The following GSG1L variants were observed in gnomAD, a reference collection of about 807,000 sequenced individuals.
GSG1L encodes GSG1 like, also known as germ cell-specific gene 1-like protein.
GSG1L carries 24 observed loss-of-function variants against 42.1 expected under a neutral mutation model. The ratio of observed to expected loss-of-function variants is 0.57; its 90% CI spans 0.41 to 0.80. The LOEUF is 0.80. Ranked by LOEUF, GSG1L falls within the 30% of genes least tolerant of loss-of-function variation. The pLI is 0.00. For missense variants in GSG1L, 445 were observed against 472.2 expected, an observed-to-expected ratio of 0.94 and a Z score of 0.53; for synonymous variants, 215 against 203.5, an observed-to-expected ratio of 1.06 and a Z score of -0.48.
Position 27,911,266 on chromosome 16 carries a change from G to GCTTGCT in GSG1L, c.398-26629_398-26628insAGCAAG, listed in dbSNP as rs1555507779. On this transcript the variant is annotated intron_variant, in intron 2 of 6. Transcript: ENST00000447459. ...TCTCTAGCCTCATCACCTCTCTCTC[G>GCTTGCT]CTCTCTCTCTCTCTCTCTCTCTCTC... is the stretch of plus-strand genomic sequence containing the variant. Among the ~76,000 whole-genome samples the GCTTGCT allele has an allele frequency of 1.5e-3, 181 of 122,154 alleles. 3 individuals carry two copies. Among genetic ancestry groups the GCTTGCT allele is most frequent in the African/African-American group, 4.3e-3 (124 of 28,636 alleles). The allele number at this position is 122,154 out of a possible 152,430, so 80.1% of individuals were successfully genotyped here. A position where few individuals can be genotyped will look rare whatever the true frequency, so the allele number is the denominator to read the frequency against.
intron 3 of GSG1L, among the ~76,000 whole-genome samples, chr16:27,847,674 C>T (rs560105591): frequency 3.9e-5 from 6 of 152,290 alleles, no homozygotes; most frequent in East Asian, 1.9e-4. Flanking sequence ...CCTGGTGGGA[C>T]GTGACTGGAT....
Position 27,828,832 on chromosome 16 carries a change from G to T in GSG1L, c.787C>A (p.Pro263Thr), listed in dbSNP as rs769451734. The T allele has an allele frequency of 1.9e-6, 3 of 1,614,142 alleles. No individual in the cohort carries two copies. The highest frequency in any genetic ancestry group is 2.5e-6 in the Non-Finnish European group (3 of 1,180,020). Reference sequence around the variant, plus strand: ...ATGGCCTCAGGGTCTATGAAGGTCGGCTCTTCCCGGTAGCCCTGCTCAAAG... The same window carrying T: ...ATGGCCTCAGGGTCTATGAAGGTCGTCTCTTCCCGGTAGCCCTGCTCAAAG... ...KVFEQGYREE[P>T]TFIDPEAIKY... is the part of the protein sequence containing the mutation. The change falls in exon 5 of 7, where the codon CCG (proline) becomes ACG (threonine). Residue 263 changes from proline to threonine, a missense_variant. By Grantham distance (38) the Pro-to-Thr change is conservative. This residue lies in a region of GSG1L where 140 missense variants were observed against 120.6 expected (regional missense o/e 1.16). Transcript: ENST00000447459.
At chr16:27,990,238 T>G (rs2085440204) in intron 1 of GSG1L, among the ~76,000 whole-genome samples, 1 of 152,192 alleles carries the variant, frequency 6.6e-6, no homozygotes, top group South Asian at 2.1e-4. Flanking sequence ...TTCTTTCTTT[T>G]GAGCTATTTA....
At chr16:28,043,435 T>A (rs1237775250) in intron 1 of GSG1L, among the ~76,000 whole-genome samples, 1 of 152,106 alleles carries the variant, frequency 6.6e-6, no homozygotes, top group Non-Finnish European at 1.5e-5. Context: ...TATTTTGGAA[T>A]ACAAAAGAAG....
intron 2 of GSG1L, among the ~76,000 whole-genome samples, chr16:27,940,808 C>T (rs542419784): frequency 9.3e-5 from 14 of 150,694 alleles, no homozygotes; most frequent in African/African-American, 2.9e-4. Context: ...GCAGATGTAA[C>T]TAACCTGCAC....
chr16:28,057,851 G>A (rs898668271), intron 1 of GSG1L, among the ~76,000 whole-genome samples: 11 of 152,380 alleles, frequency 7.2e-5, no homozygotes, highest in Non-Finnish European at 8.8e-5. Context: ...GCTGGCAGTA[G>A]TATGAGGACT....
chr16:27,939,531 G>A (rs1227911689), intron 2 of GSG1L, among the ~76,000 whole-genome samples: 3 of 152,206 alleles, frequency 2.0e-5, no homozygotes, highest in Non-Finnish European at 4.4e-5. Flanking sequence ...AACTGTTGCT[G>A]TATGACAGAA....
chr16:28,037,441 C>G (rs1413449306), intron 1 of GSG1L, among the ~76,000 whole-genome samples: 1 of 152,230 alleles, frequency 6.6e-6, no homozygotes, highest in Non-Finnish European at 1.5e-5. Context: ...AGAAGACCCA[C>G]TCCAGTTCAT....
intron 2 of GSG1L, among the ~76,000 whole-genome samples, chr16:27,904,489 G>A (rs1021248668): frequency 8.6e-5 from 13 of 151,762 alleles, no homozygotes; most frequent in Admixed American, 7.9e-4. Flanking sequence ...TTTTTCCCTA[G>A]CATGTATGAC....
At chr16:27,911,266 GCTCTCT>G (rs71648556) in intron 2 of GSG1L, among the ~76,000 whole-genome samples, 120 of 122,152 alleles carry the variant, frequency 9.8e-4, no homozygotes, top group African/African-American at 3.0e-3. Context: ...CCTCTCTCTC[GCTCTCT>G]CTCTCTCTCT....
chr16:27,965,825 A>C (rs917393226), intron 1 of GSG1L, among the ~76,000 whole-genome samples: 3 of 152,290 alleles, frequency 2.0e-5, no homozygotes, highest in African/African-American at 7.2e-5. Context: ...GACCAGAAGT[A>C]TCCTGGTATA....
chr16:27,953,055 C>T (rs2084966737), intron 2 of GSG1L, among the ~76,000 whole-genome samples: 1 of 152,188 alleles, frequency 6.6e-6, no homozygotes, highest in Admixed American at 6.5e-5. Flanking sequence ...GCTTCTTTTA[C>T]CTAACATCCA....
intron 1 of GSG1L, among the ~76,000 whole-genome samples, chr16:28,028,241 G>A (rs920253304): frequency 3.9e-5 from 6 of 152,250 alleles, no homozygotes; most frequent in African/African-American, 1.4e-4. Flanking sequence ...GGCCATGAAG[G>A]CCAAGGGAGT....
intron 2 of GSG1L, among the ~76,000 whole-genome samples, chr16:27,901,598 A>G (rs537458931): frequency 1.3e-5 from 2 of 152,202 alleles, no homozygotes; most frequent in Non-Finnish European, 2.9e-5. Context: ...GCCCCTGTGG[A>G]ATCTGATGCT....
At chr16:27,888,464 CT>C (rs2084065330) in intron 2 of GSG1L, among the ~76,000 whole-genome samples, 7 of 10,970 alleles carry the variant, frequency 6.4e-4, no homozygotes, top group Non-Finnish European at 1.5e-3. Context: ...TTCTTTCTTT[CT>C]CTCTCTCTCT....
chr16:27,850,733 G>A (rs1015334387), intron 3 of GSG1L: 1 of 347,470 alleles, frequency 2.9e-6, no homozygotes, highest in Non-Finnish European at 5.6e-6. Flanking sequence ...AGGGCCTGGG[G>A]CTCAGGAAGG....
chr16:27,947,551 AAGAAAG>A (rs756741733), intron 2 of GSG1L, among the ~76,000 whole-genome samples: 1 of 72,212 alleles, frequency 1.4e-5, no homozygotes, highest in Non-Finnish European at 3.1e-5. Flanking sequence ...GAAAGAAAGA[AAGAAAG>A]AAAGAAAGAA....
chr16:27,806,845 C>T (rs1425684096), intron 6 of GSG1L, among the ~76,000 whole-genome samples: 2 of 152,150 alleles, frequency 1.3e-5, no homozygotes, highest in African/African-American at 4.8e-5. Context: ...GGCAACAATC[C>T]CAGCTGTAGG....
chr16:27,861,450 T>C (rs1467997691), intron 3 of GSG1L, among the ~76,000 whole-genome samples: 1 of 152,146 alleles, frequency 6.6e-6, no homozygotes, highest in East Asian at 1.9e-4. Context: ...AGGATGAATT[T>C]GGCAATGGCT....
Sources: gnomAD v4.1 joint callset for allele counts (sites outside exome capture counted in the v4.1 genomes callset) on GRCh38, gnomAD v4.1.1 for gene constraint, gnomAD v4.1.1 regional missense constraint, MANE v1.5 for transcripts, NCBI Gene and HGNC (gene_info 2026-07-23, HGNC 2026-07-21) for gene names.